Variants in NECTIN1 observed in about 807,000 individuals in gnomAD.
NECTIN1 encodes the protein nectin-1.
A neutral mutation model predicts 48.0 loss-of-function variants in NECTIN1; 23 were observed. That is an observed-to-expected ratio of 0.48 (90% confidence interval 0.34 to 0.68). NECTIN1 has a LOEUF of 0.68. NECTIN1 is among the 30% of genes least tolerant of loss of function. The pLI is 0.01. For synonymous variants in NECTIN1, 270 were observed against 288.9 expected (o/e 0.93, Z 0.66); for missense variants, 591 against 709.9 (o/e 0.83, Z 1.90).
At position 119,701,042 on chromosome 11, in the gene NECTIN1, G is replaced by A. The variant is rs145760394; in HGVS notation, c.80-22277C>T. On this transcript the variant is annotated intron_variant, in intron 1 of 5. Coordinates refer to ENST00000264025, the MANE Select transcript of NECTIN1 (RefSeq NM_002855.5). ...TGCAGTGGGGCAGATGTGGGGGTACGGGTGTGTGCTCAGGAGGGGAGGCTG... is the reference window on the plus strand; with the variant it reads ...TGCAGTGGGGCAGATGTGGGGGTACAGGTGTGTGCTCAGGAGGGGAGGCTG... Among the ~76,000 whole-genome samples the A allele has an allele frequency of 5.5e-4, 83 of 152,284 alleles. 1 individual carries two copies. The highest frequency in any genetic ancestry group is 1.9e-3 in the African/African-American group (79 of 41,550).
intron 1 of NECTIN1, among the ~76,000 whole-genome samples, chr11:119,689,346 C>A (rs1865213379): frequency 1.3e-5 from 2 of 152,192 alleles, no homozygotes; most frequent in Admixed American, 6.5e-5. Context: ...GCACACGCAC[C>A]TTCCCTGTGG....
intron 4 of NECTIN1, among the ~76,000 whole-genome samples, chr11:119,676,174 A>G (rs1864945095): frequency 6.6e-6 from 1 of 152,200 alleles, no homozygotes; most frequent in Non-Finnish European, 1.5e-5. Context: ...TGGGAATGTC[A>G]CAGGACCTTT....
At chr11:119,724,345 CA>C (rs1412000038) in intron 1 of NECTIN1, among the ~76,000 whole-genome samples, 1 of 152,158 alleles carries the variant, frequency 6.6e-6, no homozygotes, top group African/African-American at 2.4e-5. Flanking sequence ...AGGGAGACAA[CA>C]GAAGGCTGAC....
At position 119,672,773 on chromosome 11, in the gene NECTIN1, A is replaced by C. The variant is rs77517572; in HGVS notation, c.1003+2386T>G. Among the ~76,000 whole-genome samples, 5,181 of 152,110 alleles carry C rather than the reference A, an allele frequency of 0.034. 204 individuals are homozygous for C. The highest frequency in any genetic ancestry group is 0.097 in the African/African-American group (4,020 of 41,486). The stretch of plus-strand genomic sequence containing the variant: ...CTTCCCATGCTTCCCTGGCCTGGGC[A>C]TCCCGCCCTCCAGCCCTGCCTACTC... On this transcript the variant is annotated intron_variant, in intron 5 of 5. Transcript: ENST00000264025. This position sits in a 1 kb window ranked among gnomAD's most constrained non-coding sequence, Gnocchi z 4.3.
intron 6 of NECTIN1, chr11:119,639,441 G>T: frequency 4.3e-6 from 1 of 232,510 alleles, no homozygotes. Flanking sequence ...CCTGATGGTT[G>T]AGGGTTTTGG....
Position 119,661,668 on chromosome 11 carries a change from G to A in NECTIN1, c.*3079C>T. ...TATTGCACCAGTGACTTGGGCAAGT[G>A]GGGGTTGGCTGGCAGAGGAAGCGCA... On this transcript the variant is annotated 3_prime_UTR_variant, in exon 6 of 6. Transcript: ENST00000264025. 1 of 985,924 alleles carries A rather than the reference G, an allele frequency of 1.0e-6. No individual in the cohort carries two copies. Among genetic ancestry groups the A allele is most frequent in the African/African-American group, 1.7e-5 (1 of 57,362 alleles). The allele number at this position is 985,924 out of a possible 1,614,324, so 61.1% of individuals were successfully genotyped here. A position where few individuals can be genotyped will look rare whatever the true frequency, so the allele number is the denominator to read the frequency against.
chr11:119,664,140 G>A lies in NECTIN1; in HGVS notation c.*607C>T. The stretch of plus-strand genomic sequence containing the variant: ...CCCTCAGCAGGAAAACACTGCCCAA[G>A]GCCCCGCTTAACAAACAAGACTCCC... On this transcript the variant is annotated 3_prime_UTR_variant, in exon 6 of 6. Transcript: ENST00000264025. 1.0e-6 allele frequency: 1 copy of A among 986,238 alleles called. No homozygotes were observed. The highest frequency in any genetic ancestry group is 1.2e-6 in the Non-Finnish European group (1 of 830,266). The allele number at this position is 986,238 out of a possible 1,614,324, so 61.1% of individuals were successfully genotyped here. A position where few individuals can be genotyped will look rare whatever the true frequency, so the allele number is the denominator to read the frequency against.
Position 119,661,475 on chromosome 11 carries a change from T to C in NECTIN1, c.*3272A>G. The C allele has an allele frequency of 1.0e-6, 1 of 985,580 alleles. No individual in the cohort carries two copies. Among genetic ancestry groups the C allele is most frequent in the South Asian group, 4.7e-5 (1 of 21,240 alleles). 61.1% of individuals were successfully genotyped at this position (985,580 alleles called of 1,614,324 possible). Reference sequence around the variant, plus strand: ...CCACCTGCCCCTCACTAGGAGAGGGTTTCTGTTGGCAGTCAGGCTTTGGGG... The same window carrying C: ...CCACCTGCCCCTCACTAGGAGAGGGCTTCTGTTGGCAGTCAGGCTTTGGGG... On this transcript the variant is annotated 3_prime_UTR_variant, in exon 6 of 6. Coordinates refer to ENST00000264025, the MANE Select transcript of NECTIN1 (RefSeq NM_002855.5).
At chr11:119,686,333 T>G (rs1043637101) in intron 1 of NECTIN1, among the ~76,000 whole-genome samples, 2 of 152,124 alleles carry the variant, frequency 1.3e-5, no homozygotes, top group Non-Finnish European at 2.9e-5. Context: ...CTTTGAACCT[T>G]AGCACCTGCC....
downstream of NECTIN1, among the ~76,000 whole-genome samples, chr11:119,656,906 C>A (rs1864583496): frequency 6.6e-6 from 1 of 152,196 alleles, no homozygotes; most frequent in Admixed American, 6.5e-5. Context: ...GGCTATGGGA[C>A]CTCCAGCCTG....
rs572626986 is a variant in NECTIN1, at chr11:119,714,640, TCCCTCTCCCTGTC to T, written c.79+13822_79+13834del. Among the ~76,000 whole-genome samples, 99 of 152,090 alleles carry T rather than the reference TCCCTCTCCCTGTC, an allele frequency of 6.5e-4. 3 individuals are homozygous for T. The East Asian group carries it at 0.018, about 28-fold the overall frequency. ...TGCATCCTGACCCTCTGCAGTATGCTCCCTCTCCCTGTCCCCTCTCTCCCCATCGCCAACTTAA... is the reference window on the plus strand; with the variant it reads ...TGCATCCTGACCCTCTGCAGTATGCTCCCTCTCTCCCCATCGCCAACTTAA... On this transcript the variant is annotated intron_variant, in intron 1 of 5. Transcript: ENST00000264025.
chr11:119,660,762 C>T (rs368292674), downstream of NECTIN1, among the ~76,000 whole-genome samples: 432 of 152,302 alleles, frequency 2.8e-3, 2 homozygotes, highest in African/African-American at 1.0e-2. Context: ...CCACCCCTCC[C>T]TCTGCGATGC....
intron 1 of NECTIN1, among the ~76,000 whole-genome samples, chr11:119,716,102 G>A (rs1865739170): frequency 6.6e-6 from 1 of 152,174 alleles, no homozygotes; most frequent in African/African-American, 2.4e-5. Flanking sequence ...TTTCCTTTCA[G>A]AAGGGAGCAC....
chr11:119,649,210 C>G (rs1313225263), intron 5 of NECTIN1, among the ~76,000 whole-genome samples: 1 of 152,168 alleles, frequency 6.6e-6, no homozygotes, highest in Non-Finnish European at 1.5e-5. Flanking sequence ...GAAACCCCGT[C>G]TCAACTAAAC....
chr11:119,722,683 GT>G (rs1238188629), intron 1 of NECTIN1, among the ~76,000 whole-genome samples: 2 of 152,388 alleles, frequency 1.3e-5, no homozygotes, highest in Middle Eastern at 3.4e-3. Context: ...AGGCTCCCGA[GT>G]GGGGGCAGGG....
Position 119,709,496 on chromosome 11 carries a change from G to A in NECTIN1, c.79+18979C>T, listed in dbSNP as rs1865600258. ...GTGGGGCCCTGAGCGTCTGTAACCAGGCTGTGAGGAAGCACTCACTTCCAG... is the reference window on the plus strand; with the variant it reads ...GTGGGGCCCTGAGCGTCTGTAACCAAGCTGTGAGGAAGCACTCACTTCCAG... On this transcript the variant is annotated intron_variant, in intron 1 of 5. Coordinates refer to ENST00000264025, the MANE Select transcript of NECTIN1 (RefSeq NM_002855.5). The surrounding 1 kb of genome is among the most constrained non-coding windows in gnomAD (Gnocchi z 4.1). Among the ~76,000 whole-genome samples the A allele has an allele frequency of 6.6e-6, 1 of 152,294 alleles. No individual in the cohort carries two copies. Among genetic ancestry groups the A allele is most frequent in the Non-Finnish European group, 1.5e-5 (1 of 68,024 alleles).
chr11:119,679,628 C>A lies in NECTIN1; in HGVS notation c.80-863G>T, dbSNP rs139388032. On this transcript the variant is annotated intron_variant, in intron 1 of 5. Transcript: ENST00000264025. ...AGACTGGGCCCATCCTCAGAACATGCCACATTCCCGGTTTCCTTCCCTCTT... is the reference window on the plus strand; with the variant it reads ...AGACTGGGCCCATCCTCAGAACATGACACATTCCCGGTTTCCTTCCCTCTT... 1.5e-3 allele frequency among the ~76,000 whole-genome samples: 227 copies of A among 152,294 alleles called. 1 individual carries two copies. Among genetic ancestry groups the A allele is most frequent in the Middle Eastern group, 6.8e-3 (2 of 294 alleles).
chr11:119,678,963 A>G lies in NECTIN1; in HGVS notation c.80-198T>C, dbSNP rs1865012907. Among the ~76,000 whole-genome samples the G allele has an allele frequency of 6.6e-6, 1 of 152,196 alleles. No homozygotes were observed. Among genetic ancestry groups the G allele is most frequent in the African/African-American group, 2.4e-5 (1 of 41,450 alleles). ...GAGAAGAAAGTGACAACATCCCATG[A>G]TCCTTCCGCTCAGGATAATCTTGAA... On this transcript the variant is annotated intron_variant, in intron 1 of 5. Coordinates refer to ENST00000264025, the MANE Select transcript of NECTIN1 (RefSeq NM_002855.5). The surrounding 1 kb of genome is among the most constrained non-coding windows in gnomAD (Gnocchi z 4.4).
rs766791883 is a variant in NECTIN1, at chr11:119,665,281, C to T, written c.1020G>A (p.Pro340=). The part of the protein sequence containing the change: ...EVNITEFPYT[P]SPPEHGRRAG... ...CGCGCCGCCCATGTTCGGGAGGAGACGGGGTGTAGGGGAATTCTGGGTGAG... is the reference window on the plus strand; with the variant it reads ...CGCGCCGCCCATGTTCGGGAGGAGATGGGGTGTAGGGGAATTCTGGGTGAG... The change falls in exon 6 of 6, where the codon CCG becomes CCA. Residue 340 remains proline, a synonymous_variant. Transcript: ENST00000264025. The surrounding 1 kb of genome is among the most constrained non-coding windows in gnomAD (Gnocchi z 5.1). The T allele has an allele frequency of 1.3e-6, 2 of 1,505,756 alleles. No homozygotes were observed. Among genetic ancestry groups the T allele is most frequent in the East Asian group, 2.6e-5 (1 of 38,328 alleles). 93.3% of individuals were successfully genotyped at this position (1,505,756 alleles called of 1,614,324 possible).
Sources: gnomAD v4.1 joint callset for allele counts (sites outside exome capture counted in the v4.1 genomes callset) on GRCh38, gnomAD v4.1.1 for gene constraint, Gnocchi (gnomAD v3.1) non-coding constraint, MANE v1.5 for transcripts, NCBI Gene and HGNC (gene_info 2026-07-23, HGNC 2026-07-21) for gene names.